Variants in CEP83 observed in about 807,000 individuals in gnomAD.
The protein encoded by CEP83 is centrosomal protein 83.
CEP83 carries 70 observed loss-of-function variants against 101.9 expected under a neutral mutation model. That is an observed-to-expected ratio of 0.69 (90% confidence interval 0.57 to 0.84). The LOEUF is 0.84. CEP83 is among the 40% of genes least tolerant of loss of function. The pLI, the probability that CEP83 is intolerant of heterozygous loss-of-function variation, is 0.00. For synonymous variants in CEP83, 264 were observed against 267.9 expected, an observed-to-expected ratio of 0.99 and a Z score of 0.14; for missense variants, 715 against 787.2, an observed-to-expected ratio of 0.91 and a Z score of 1.10.
intron 11 of CEP83, among the ~76,000 whole-genome samples, chr12:94,363,038 A>G (rs1593425600): frequency 6.6e-6 from 1 of 152,260 alleles, no homozygotes; most frequent in Admixed American, 6.5e-5. Flanking sequence ...AAGGGTAGTG[A>G]GGAGGGAAGA....
rs201682129 is a variant in CEP83, at chr12:94,378,820, C to G, written c.772G>C (p.Glu258Gln). The G allele has an allele frequency of 9.3e-6, 15 of 1,613,960 alleles. No individual in the cohort carries two copies. Among genetic ancestry groups the G allele is most frequent in the Non-Finnish European group, 1.3e-5 (15 of 1,179,974 alleles). ...AQRIQVRQLA[E>Q]MQATVRSLEA... ...AGGGATCTGACTGTAGCCTGCATCT[C>G]AGCCAACTGCCGCACCTGTATTCTT... Residue 258 changes from glutamate to glutamine, a missense_variant, in exon 7 of 17, where the codon GAG (glutamate) becomes CAG (glutamine). Transcript: ENST00000397809.
In CEP83 at chr12:94,403,271, T is replaced by C; in HGVS notation, c.325-9A>G. ...TTTTGTGGAGTTAATATCTAATATGTAGAGAAATGCAAACAATATAAAATC... is the reference window on the plus strand; with the variant it reads ...TTTTGTGGAGTTAATATCTAATATGCAGAGAAATGCAAACAATATAAAATC... On this transcript the variant is annotated splice_polypyrimidine_tract_variant and intron_variant, in intron 4 of 16. Transcript: ENST00000397809. 2.6e-6 allele frequency: 3 copies of C among 1,158,354 alleles called. No individual in the cohort carries two copies. The allele number at this position is 1,158,354 out of a possible 1,614,324, so 71.8% of individuals were successfully genotyped here.
intron 1 of CEP83, among the ~76,000 whole-genome samples, chr12:94,445,706 T>G (rs763579719): frequency 6.6e-6 from 1 of 152,242 alleles, no homozygotes; most frequent in Non-Finnish European, 1.5e-5. Flanking sequence ...CAAAAAAGAT[T>G]AAGTAAACAT....
chr12:94,265,675 G>A, the CEP83 span, among the ~76,000 whole-genome samples: 111 of 152,280 alleles, frequency 7.3e-4, no homozygotes, highest in African/African-American at 2.6e-3. Context: ...CCCATGCAAC[G>A]TGACGCCCTT....
At chr12:94,415,971 AT>A (rs1194478575) in intron 2 of CEP83, among the ~76,000 whole-genome samples, 4 of 152,146 alleles carry the variant, frequency 2.6e-5, no homozygotes. Flanking sequence ...AATTTCAAAC[AT>A]TTTAAAAGAC....
chr12:94,277,270 C>G, the CEP83 span: 1 of 152,408 alleles, frequency 6.6e-6, no homozygotes, highest in Admixed American at 6.5e-5. Context: ...TATGAGGACT[C>G]TGCCCTCATG....
chr12:94,362,833 C>A (rs1001227528), intron 11 of CEP83, among the ~76,000 whole-genome samples: 1 of 152,184 alleles, frequency 6.6e-6, no homozygotes, highest in Non-Finnish European at 1.5e-5. Context: ...CATATATAAA[C>A]AATGGAATAC....
In CEP83 at chr12:94,384,929, T is replaced by G. The variant is rs1047949221; in HGVS notation, c.550-5887A>C. Among the ~76,000 whole-genome samples the G allele has an allele frequency of 2.0e-5, 3 of 152,212 alleles. No homozygotes were observed. In the East Asian group the frequency reaches 5.8e-4, roughly 29 times the overall value. ...TGTGTTTTACATTCAGTTTCAGACC[T>G]TCCTAGTTCGTGGTGTGACAAGCAA... is the stretch of plus-strand genomic sequence containing the variant. On this transcript the variant is annotated intron_variant, in intron 6 of 16. Coordinates refer to ENST00000397809, the MANE Select transcript of CEP83 (RefSeq NM_016122.3).
chr12:94,368,351 T>C (rs2061125419), intron 9 of CEP83, 150 bp from the exon 10 acceptor site: 1 of 599,748 alleles, frequency 1.7e-6, no homozygotes, highest in Non-Finnish European at 2.8e-6. Context: ...ACATCATTAA[T>C]AAACACTCTT....
intron 8 of CEP83, among the ~76,000 whole-genome samples, chr12:94,372,120 T>C (rs541257237): frequency 2.0e-5 from 3 of 152,098 alleles, no homozygotes; most frequent in African/African-American, 7.2e-5. Context: ...ATTACAGGCA[T>C]GCACCACCAC....
the CEP83 span, chr12:94,294,371 TATTTG>T: frequency 5.1e-6 from 3 of 588,224 alleles, no homozygotes; most frequent in Non-Finnish European, 9.5e-6. Flanking sequence ...TCTTGATAAA[TATTTG>T]ATTTAATAAG....
At chr12:94,304,864 T>A (rs1968840995), downstream of CEP83, among the ~76,000 whole-genome samples, 1 of 152,214 alleles carries the variant, frequency 6.6e-6, no homozygotes, top group Non-Finnish European at 1.5e-5. Flanking sequence ...CTTGCCTGCA[T>A]GTTGGCTGCC....
At chr12:94,448,873 T>C (rs1281137135) in intron 1 of CEP83, among the ~76,000 whole-genome samples, 1 of 151,310 alleles carries the variant, frequency 6.6e-6, no homozygotes, top group Non-Finnish European at 1.5e-5. Flanking sequence ...CTTAGGAAAC[T>C]AGAAAAATAA....
At chr12:94,383,319 C>T (rs1270313653) in intron 6 of CEP83, among the ~76,000 whole-genome samples, 1 of 152,020 alleles carries the variant, frequency 6.6e-6, no homozygotes, top group Non-Finnish European at 1.5e-5. Flanking sequence ...GATGCAATTA[C>T]ATCCCAATAA....
the CEP83 span, chr12:94,300,891 T>C: frequency 1.2e-6 from 2 of 1,600,698 alleles, no homozygotes; most frequent in Non-Finnish European, 1.7e-6. Flanking sequence ...TGAAAAGAGA[T>C]TATTCTCTCT....
At chr12:94,344,844 A>C (rs986513377) in intron 11 of CEP83, among the ~76,000 whole-genome samples, 3 of 152,198 alleles carry the variant, frequency 2.0e-5, no homozygotes, top group Admixed American at 2.0e-4. Context: ...TTTGAAAGGC[A>C]AAGGACCTAG....
At chr12:94,403,961 A>T (rs923889186) in intron 4 of CEP83, among the ~76,000 whole-genome samples, 49 of 152,244 alleles carry the variant, frequency 3.2e-4, no homozygotes, top group African/African-American at 1.2e-3. Flanking sequence ...CTTTTTTATG[A>T]AGAGTCCAAA....
chr12:94,327,208 T>C (rs1347302205), intron 14 of CEP83, among the ~76,000 whole-genome samples: 3 of 152,306 alleles, frequency 2.0e-5, no homozygotes, highest in Middle Eastern at 3.4e-3. Flanking sequence ...AAAGGACTAA[T>C]AGAACAATTA....
At chr12:94,421,794 A>G (rs905970994) in intron 2 of CEP83, among the ~76,000 whole-genome samples, 2 of 152,208 alleles carry the variant, frequency 1.3e-5, no homozygotes, top group African/African-American at 4.8e-5. Context: ...ACAAACCTGT[A>G]CAACATGTTA....
Sources: gnomAD v4.1 joint callset for allele counts (sites outside exome capture counted in the v4.1 genomes callset) on GRCh38, gnomAD v4.1.1 for gene constraint, MANE v1.5 for transcripts, NCBI Gene and HGNC (gene_info 2026-07-23, HGNC 2026-07-21) for gene names.